The following PLCXD3 variants were observed in gnomAD, a reference collection of about 807,000 sequenced individuals.
The protein encoded by PLCXD3 is PI-PLC X domain-containing protein 3.
PLCXD3 carries 19 observed loss-of-function variants against 25.5 expected under a neutral mutation model. The ratio of observed to expected loss-of-function variants is 0.75; its 90% confidence interval spans 0.52 to 1.09. PLCXD3 has a LOEUF of 1.09. Among genes scored for constraint, PLCXD3 ranks in the 50% least tolerant of loss-of-function variants. The pLI is 0.00. For synonymous variants in PLCXD3, 174 were observed against 137.6 expected (o/e 1.26, Z -1.85); for missense variants, 411 against 388.1 (o/e 1.06, Z -0.50).
chr5:41,461,174 A>G (rs1255360191), intron 1 of PLCXD3, among the ~76,000 whole-genome samples: 1 of 151,970 alleles, frequency 6.6e-6, no homozygotes, highest in East Asian at 1.9e-4. Context: ...AGGTTTTTCT[A>G]TGTAATCTAT....
At chr5:41,430,208 C>A (rs1215492753) in intron 1 of PLCXD3, among the ~76,000 whole-genome samples, 2 of 152,136 alleles carry the variant, frequency 1.3e-5, no homozygotes, top group Admixed American at 6.5e-5. Context: ...TTGTAAAGCA[C>A]TTCTAACAGT....
intron 1 of PLCXD3, among the ~76,000 whole-genome samples, chr5:41,435,498 T>C (rs1206077234): frequency 6.6e-6 from 1 of 152,140 alleles, no homozygotes; most frequent in Non-Finnish European, 1.5e-5. Context: ...GGCAGAGGCA[T>C]GTGGTGCACA....
Position 41,310,620 on chromosome 5 carries a change from C to T in PLCXD3, c.*2997G>A, listed in dbSNP as rs1743111219. 1 of 152,634 alleles carries T rather than the reference C, an allele frequency of 6.6e-6. No individual in the cohort carries two copies. The highest frequency in any genetic ancestry group is 1.5e-5 in the Non-Finnish European group (1 of 68,080). The allele number at this position is 152,634 out of a possible 1,614,324, so 9.5% of individuals were successfully genotyped here. On this transcript the variant is annotated 3_prime_UTR_variant, in exon 3 of 3. Coordinates refer to ENST00000377801, the MANE Select transcript of PLCXD3 (RefSeq NM_001005473.3). Reference sequence around the variant, plus strand: ...TTTTTACTTTTGGAAGGCCCGCAGCCTGCTTCCCCAGTGTGCTCCAGGGCA... The same window carrying T: ...TTTTTACTTTTGGAAGGCCCGCAGCTTGCTTCCCCAGTGTGCTCCAGGGCA...
chr5:41,389,876 T>A (rs976762781), intron 1 of PLCXD3, among the ~76,000 whole-genome samples: 1 of 152,176 alleles, frequency 6.6e-6, no homozygotes, highest in Non-Finnish European at 1.5e-5. Context: ...GACAGTAAAA[T>A]GTATTCATTT....
intron 2 of PLCXD3, among the ~76,000 whole-genome samples, chr5:41,337,538 C>T (rs1744019999): frequency 6.6e-6 from 1 of 152,074 alleles, no homozygotes; most frequent in Non-Finnish European, 1.5e-5. Flanking sequence ...TTTTAAAAGC[C>T]AAATTCAGAA....
intron 2 of PLCXD3, among the ~76,000 whole-genome samples, chr5:41,340,839 G>A (rs1163926538): frequency 3.9e-5 from 6 of 152,276 alleles, no homozygotes; most frequent in Middle Eastern, 3.4e-3. Context: ...TTAAGTGGAA[G>A]TTATTTGAAA....
intron 1 of PLCXD3, among the ~76,000 whole-genome samples, chr5:41,501,684 GT>G (rs1748954096): frequency 6.6e-6 from 1 of 151,750 alleles, no homozygotes; most frequent in South Asian, 2.1e-4. Context: ...TAAATTTCAC[GT>G]TATGGATGTC....
At chr5:41,392,321 G>T (rs542837556) in intron 1 of PLCXD3, among the ~76,000 whole-genome samples, 58 of 152,158 alleles carry the variant, frequency 3.8e-4, no homozygotes, top group African/African-American at 1.4e-3. Flanking sequence ...GCTTTAGGTG[G>T]CTCAGAACAG....
At chr5:41,387,259 C>T (rs1580342504) in intron 1 of PLCXD3, among the ~76,000 whole-genome samples, 1 of 152,066 alleles carries the variant, frequency 6.6e-6, no homozygotes, top group Non-Finnish European at 1.5e-5. Context: ...CAAAAGGAAC[C>T]TTAGCCTCAA....
chr5:41,354,832 G>A (rs1580320305), intron 2 of PLCXD3, among the ~76,000 whole-genome samples: 1 of 152,000 alleles, frequency 6.6e-6, no homozygotes, highest in African/African-American at 2.4e-5. Flanking sequence ...CCTTTAATTT[G>A]TCTTCACTCT....
intron 1 of PLCXD3, among the ~76,000 whole-genome samples, chr5:41,480,922 TAAAC>T (rs781140614): frequency 7.3e-5 from 11 of 151,142 alleles, no homozygotes; most frequent in Admixed American, 2.6e-4. Context: ...AATAAATAAA[TAAAC>T]AAACAAACAA....
chr5:41,447,063 T>TG (rs1747520966), intron 1 of PLCXD3, among the ~76,000 whole-genome samples: 1 of 152,208 alleles, frequency 6.6e-6, no homozygotes, highest in African/African-American at 2.4e-5. Flanking sequence ...GCTGTATTTC[T>TG]GGGGGTGGAG....
In PLCXD3 at chr5:41,433,936, C is replaced by T. The variant is rs540247116; in HGVS notation, c.104-51402G>A. 3.3e-5 allele frequency among the ~76,000 whole-genome samples: 5 copies of T among 152,290 alleles called. No individual in the cohort carries two copies. In the East Asian group the frequency reaches 7.7e-4, roughly 23 times the overall value. On this transcript the variant is annotated intron_variant, in intron 1 of 2. Transcript: ENST00000377801. ...AGCCTACAGGTGGGAAGGGAAAAAGCACAGGTTACTTGTATAGCTGTGACG... is the reference window on the plus strand; with the variant it reads ...AGCCTACAGGTGGGAAGGGAAAAAGTACAGGTTACTTGTATAGCTGTGACG...
chr5:41,434,377 C>T (rs1209034872), intron 1 of PLCXD3, among the ~76,000 whole-genome samples: 1 of 152,122 alleles, frequency 6.6e-6, no homozygotes, highest in Non-Finnish European at 1.5e-5. Flanking sequence ...CATTGGAAAG[C>T]GAGGAGATGA....
At chr5:41,316,536 A>G (rs1313897920) in intron 2 of PLCXD3, among the ~76,000 whole-genome samples, 1 of 152,188 alleles carries the variant, frequency 6.6e-6, no homozygotes, top group Non-Finnish European at 1.5e-5. Context: ...CATGGTTGCT[A>G]GAGCACCAAG....
At chr5:41,447,716 CT>C (rs1049136533) in intron 1 of PLCXD3, among the ~76,000 whole-genome samples, 4 of 152,224 alleles carry the variant, frequency 2.6e-5, no homozygotes, top group African/African-American at 9.6e-5. Context: ...GCCATTACAG[CT>C]ATCCCTCTCT....
At chr5:41,374,747 C>T (rs1025939757) in intron 2 of PLCXD3, among the ~76,000 whole-genome samples, 2 of 152,104 alleles carry the variant, frequency 1.3e-5, no homozygotes, top group African/African-American at 4.8e-5. Flanking sequence ...GAGGAGATCG[C>T]TTTCCCTCTC....
chr5:41,424,010 A>G (rs1416430610), intron 1 of PLCXD3, among the ~76,000 whole-genome samples: 1 of 152,192 alleles, frequency 6.6e-6, no homozygotes, highest in Non-Finnish European at 1.5e-5. Context: ...AATATACAAT[A>G]TAGTATGTTA....
chr5:41,324,118 G>A (rs911190228), intron 2 of PLCXD3, among the ~76,000 whole-genome samples: 3 of 152,110 alleles, frequency 2.0e-5, no homozygotes, highest in African/African-American at 7.2e-5. Context: ...AGCATTTAAG[G>A]GATGGGCAGG....
Sources: allele counts gnomAD v4.1 joint callset (sites outside exome capture counted in the v4.1 genomes callset), GRCh38; gene constraint gnomAD v4.1.1; transcripts MANE v1.5; gene names NCBI Gene and HGNC (gene_info 2026-07-23, HGNC 2026-07-21).